SEH1L: variants seen among roughly 807,000 people sequenced by gnomAD.
The protein encoded by SEH1L is nucleoporin SEH1.
A neutral mutation model predicts 49.5 loss-of-function variants in SEH1L; 18 were observed. The ratio of observed to expected loss-of-function variants is 0.36; its 90% CI spans 0.25 to 0.54. The LOEUF is 0.54. Among genes scored for constraint, SEH1L ranks in the 20% least tolerant of loss-of-function variants. SEH1L has a pLI of 0.87. For missense variants in SEH1L, 404 were observed against 528.8 expected (o/e 0.76, Z 2.31); for synonymous variants, 169 against 178.1 (o/e 0.95, Z 0.41).
chr18:12,986,988 G>A lies in SEH1L; in HGVS notation c.1197G>A (p.Gln399=). 6.2e-7 allele frequency: 1 copy of A among 1,613,654 alleles called. No individual in the cohort carries two copies. Among genetic ancestry groups the A allele is most frequent in the Non-Finnish European group, 8.5e-7 (1 of 1,179,846 alleles). The change falls in exon 9 of 9, where the codon CAG becomes CAA. Residue 399 remains glutamine, a synonymous_variant. Coordinates refer to ENST00000399892, the MANE Select transcript of SEH1L (RefSeq NM_001013437.2). ...GCGATGCTGACACTGCCAACCTCCAGTATCCTCACCCTCGCAGACGATATC... is the reference window on the plus strand; with the variant it reads ...GCGATGCTGACACTGCCAACCTCCAATATCCTCACCCTCGCAGACGATATC... ...HSCDADTANL[Q]YPHPRRRYLS...
chr18:12,956,780 C>T (rs550007203), intron 3 of SEH1L, among the ~76,000 whole-genome samples: 2 of 151,156 alleles, frequency 1.3e-5, no homozygotes, highest in South Asian at 2.1e-4. Context: ...CAGAGTTTAG[C>T]GTAACCAACC....
rs2031283875 is a variant in SEH1L, at chr18:12,963,346, A to G, written c.496A>G (p.Ser166Gly). 1.9e-6 allele frequency: 3 copies of G among 1,613,980 alleles called. No homozygotes were observed. Among genetic ancestry groups the G allele is most frequent in the Non-Finnish European group, 2.5e-6 (3 of 1,179,958 alleles). Residue 166 changes from serine to glycine, a missense_variant, in exon 4 of 9, where the codon AGT (serine) becomes GGT (glycine). Physicochemically the swap from Ser to Gly is moderately conservative, Grantham distance 56. Coordinates refer to ENST00000399892, the MANE Select transcript of SEH1L (RefSeq NM_001013437.2). ...QHEISCKLSCSCISWNPSSSR... is the reference protein window; with the variant it reads ...QHEISCKLSCGCISWNPSSSR... ...TGAGATCTCATGTAAGCTAAGCTGT[A>G]GTTGTATTTCTTGGAACCCTTCAAG...
chr18:12,986,947 C>T lies in SEH1L; in HGVS notation c.1156C>T (p.Leu386=), dbSNP rs2032487860. The T allele has an allele frequency of 5.6e-6, 9 of 1,613,868 alleles. No individual in the cohort carries two copies. Among genetic ancestry groups the T allele is most frequent in the Non-Finnish European group, 7.6e-6 (9 of 1,179,844 alleles). Residue 386 remains leucine, a synonymous_variant, in exon 9 of 9, where the codon CTG becomes TTG. Transcript: ENST00000399892. ...AQLLPPPPPP[L]VEHSCDADTA... is the part of the protein sequence containing the mutation. ...GCTCCTTCCTCCTCCTCCTCCTCCTCTGGTAGAGCACTCTTGCGATGCTGA... is the reference window on the plus strand; with the variant it reads ...GCTCCTTCCTCCTCCTCCTCCTCCTTTGGTAGAGCACTCTTGCGATGCTGA...
intron 1 of SEH1L, among the ~76,000 whole-genome samples, chr18:12,949,114 G>T (rs936754788): frequency 9.9e-5 from 15 of 151,062 alleles, no homozygotes; most frequent in African/African-American, 3.6e-4. Flanking sequence ...CCGCCTCGGC[G>T]CCTCGGCCTC....
intron 4 of SEH1L, among the ~76,000 whole-genome samples, chr18:12,963,783 G>A (rs1223182428): frequency 6.6e-6 from 1 of 152,160 alleles, no homozygotes; most frequent in Non-Finnish European, 1.5e-5. Flanking sequence ...CACCATCTTG[G>A]CTCACAGTAG....
chr18:12,987,032 C>A lies in SEH1L; in HGVS notation c.1241C>A (p.Pro414His), dbSNP rs767039913. ...RRRYLSRPLN[P>H]LPENEGI ...CGATATCTCTCTCGGCCTCTTAATC[C>A]CTTACCTGAGAATGAAGGGATTTAA... The change falls in exon 9 of 9, where the codon CCC (proline) becomes CAC (histidine). Residue 414 changes from proline to histidine, a missense_variant. Physicochemically the swap from Pro to His is moderately conservative, Grantham distance 77. Around this residue, in one of 3 missense-constraint regions of SEH1L, gnomAD observed 342 missense variants for 430.8 expected, o/e 0.79. Coordinates refer to ENST00000399892, the MANE Select transcript of SEH1L (RefSeq NM_001013437.2). 3 of 1,610,194 alleles carry A rather than the reference C, an allele frequency of 1.9e-6. No individual in the cohort carries two copies. The highest frequency in any genetic ancestry group is 2.5e-6 in the Non-Finnish European group (3 of 1,177,596).
Position 12,984,021 on chromosome 18 carries a change from T to G in SEH1L, c.920-19T>G. ...ATTGGTATTAATCATGTTAATGTATTTGATTATTTTCCTTTCAGCTAATTA... is the reference window on the plus strand; with the variant it reads ...ATTGGTATTAATCATGTTAATGTATGTGATTATTTTCCTTTCAGCTAATTA... On this transcript the variant is annotated intron_variant, in intron 7 of 8. Transcript: ENST00000399892. 6.2e-7 allele frequency: 1 copy of G among 1,600,816 alleles called. No homozygotes were observed. Among genetic ancestry groups the G allele is most frequent in the Non-Finnish European group, 8.6e-7 (1 of 1,168,314 alleles).
At chr18:12,978,504 C>T (rs1598973277) in intron 5 of SEH1L, 2 of 374,188 alleles carry the variant, frequency 5.3e-6, no homozygotes, top group East Asian at 8.4e-5. Context: ...AGGACCCACC[C>T]TAAATCTCGG....
intron 1 of SEH1L, among the ~76,000 whole-genome samples, chr18:12,951,627 G>A (rs2030534566): frequency 6.6e-6 from 1 of 152,216 alleles, no homozygotes. Flanking sequence ...CTGACCTCAG[G>A]TGATCCGTTT....
chr18:12,975,311 T>C (rs1013059011), intron 5 of SEH1L, among the ~76,000 whole-genome samples: 4 of 151,910 alleles, frequency 2.6e-5, no homozygotes, highest in East Asian at 2.0e-4. Flanking sequence ...AATTACAATA[T>C]ATAGCTTGCC....
At chr18:12,983,012 A>G (rs1327453556) in intron 7 of SEH1L, 2 of 159,246 alleles carry the variant, frequency 1.3e-5, no homozygotes, top group African/African-American at 4.8e-5. Context: ...CTTTTTTATC[A>G]AATAAATTGC....
At chr18:12,967,919 A>G (rs2031524499) in intron 4 of SEH1L, among the ~76,000 whole-genome samples, 1 of 151,806 alleles carries the variant, frequency 6.6e-6, no homozygotes, top group African/African-American at 2.4e-5. Context: ...CTCAAAAAAG[A>G]GAAAAAAAAG....
At chr18:12,957,358 G>A (rs1191748641) in intron 3 of SEH1L, among the ~76,000 whole-genome samples, 1 of 152,094 alleles carries the variant, frequency 6.6e-6, no homozygotes, top group East Asian at 1.9e-4. Context: ...AACCCGGGAG[G>A]CGGAGGTTGT....
chr18:12,948,079 C>G lies in SEH1L; in HGVS notation c.-43C>G. ...ACGGGCCACGCGCCGCCGCCGCTGCCGCCGCCACTGTCCTCTTCGGAGGCG... is the reference window on the plus strand; with the variant it reads ...ACGGGCCACGCGCCGCCGCCGCTGCGGCCGCCACTGTCCTCTTCGGAGGCG... On this transcript the variant is annotated 5_prime_UTR_variant, in exon 1 of 9. Transcript: ENST00000399892. 8 of 1,495,834 alleles carry G rather than the reference C, an allele frequency of 5.3e-6. No homozygotes were observed. The highest frequency in any genetic ancestry group is 7.4e-6 in the Non-Finnish European group (8 of 1,084,714). 92.7% of individuals were successfully genotyped at this position (1,495,834 alleles called of 1,614,324 possible).
intron 6 of SEH1L, among the ~76,000 whole-genome samples, chr18:12,979,576 C>T (rs2032076576): frequency 6.6e-6 from 1 of 152,212 alleles, no homozygotes; most frequent in Admixed American, 6.5e-5. Flanking sequence ...TCTCAATGAG[C>T]TGTTGAGTAC....
intron 4 of SEH1L, among the ~76,000 whole-genome samples, chr18:12,967,968 G>A (rs970295663): frequency 2.0e-5 from 3 of 152,070 alleles, no homozygotes; most frequent in African/African-American, 7.2e-5. Flanking sequence ...GGGTTTTATG[G>A]TTACAAATAA....
At chr18:12,975,927 G>A (rs1300009976) in intron 5 of SEH1L, 1 of 948,348 alleles carries the variant, frequency 1.1e-6, no homozygotes, top group East Asian at 1.2e-4. Flanking sequence ...GCCACTTGTT[G>A]AGATGGGGAC....
In SEH1L at chr18:12,984,144, A is replaced by G. The variant is rs746349744; in HGVS notation, c.1024A>G (p.Thr342Ala). 39 of 1,613,932 alleles carry G rather than the reference A, an allele frequency of 2.4e-5. No homozygotes were observed. The highest frequency in any genetic ancestry group is 4.4e-5 in the South Asian group (4 of 91,082). ...AACCTCAAATCCTTCCCTAGGTTCA[A>G]CTATTCCAAGTCTTCAGAATTCATT... ...QGTSNPSLGS[T>A]IPSLQNSLNG... Residue 342 changes from threonine (T) to alanine (A), a missense_variant, in exon 8 of 9, where the codon ACT becomes GCT. Physicochemically the swap from Thr to Ala is moderately conservative, Grantham distance 58 (BLOSUM62 0). Around this residue, in one of 3 missense-constraint regions of SEH1L, gnomAD observed 342 missense variants for 430.8 expected, o/e 0.79. Transcript: ENST00000399892.
intron 5 of SEH1L, 86 bp from the exon 6 acceptor site, chr18:12,978,666 G>A: frequency 9.2e-7 from 1 of 1,092,688 alleles, no homozygotes; most frequent in Non-Finnish European, 1.4e-6. Context: ...ATTGTGAGCA[G>A]TGTGAAAAAA....
Sources: allele counts gnomAD v4.1 joint callset (sites outside exome capture counted in the v4.1 genomes callset), GRCh38; gene constraint gnomAD v4.1.1; regional missense constraint gnomAD v4.1.1; transcripts MANE v1.5; gene names NCBI Gene and HGNC (gene_info 2026-07-23, HGNC 2026-07-21).